Variants in TMEM266 observed in about 807,000 individuals in gnomAD.
The protein encoded by TMEM266 is Hv1 related protein 1.
In TMEM266, 33 loss-of-function variants were observed where a neutral mutation model predicts 50.5. That is an observed-to-expected ratio of 0.65 (90% CI 0.50 to 0.87). The LOEUF is 0.87. TMEM266 is among the 40% of genes least tolerant of loss of function. The pLI, the probability that TMEM266 is intolerant of heterozygous loss-of-function variation, is 0.00. For synonymous variants in TMEM266, 310 were observed against 292.3 expected, an observed-to-expected ratio of 1.06 and a Z score of -0.62; for missense variants, 655 against 695.1, an observed-to-expected ratio of 0.94 and a Z score of 0.65.
intron 2 of TMEM266, among the ~76,000 whole-genome samples, chr15:76,135,884 A>G (rs537028496): frequency 1.3e-5 from 2 of 152,248 alleles, no homozygotes; most frequent in African/African-American, 4.8e-5. Flanking sequence ...CGGATAATCC[A>G]AGCAAAAGAG....
chr15:76,168,305 A>G lies in TMEM266; in HGVS notation c.457-1511A>G, dbSNP rs1170377247. The stretch of plus-strand genomic sequence containing the variant: ...ACATGACTGTCCCCCACAAGCATTC[A>G]CCTTCCCATCCCTTCACAGAAATCA... On this transcript the variant is annotated intron_variant, in intron 5 of 10. Coordinates refer to ENST00000388942, the MANE Select transcript of TMEM266 (RefSeq NM_152335.3). The surrounding 1 kb of genome is among the most constrained non-coding windows in gnomAD (Gnocchi z 4.4). 2.0e-5 allele frequency among the ~76,000 whole-genome samples: 3 copies of G among 152,172 alleles called. 1 individual carries two copies. The South Asian group carries it at 6.2e-4, about 32-fold the overall frequency.
chr15:76,200,994 G>C (rs1220486498), intron 9 of TMEM266, among the ~76,000 whole-genome samples: 1 of 152,098 alleles, frequency 6.6e-6, no homozygotes, highest in Admixed American at 6.5e-5. Context: ...CCTGGGAGGG[G>C]CCCTCAGAAC....
chr15:76,202,053 T>A (rs1266637040), intron 9 of TMEM266, 149 bp from the exon 10 acceptor site: 1 of 632,264 alleles, frequency 1.6e-6, no homozygotes, highest in African/African-American at 1.8e-5. Context: ...GTGGTCCCCA[T>A]GGAGAACTAA....
At chr15:76,159,996 C>A in intron 4 of TMEM266, 99 bp from the exon 5 acceptor site, 4 of 1,161,110 alleles carry the variant, frequency 3.4e-6, no homozygotes, top group Non-Finnish European at 3.8e-6. Context: ...TGCAGGCGGG[C>A]CCCGGGGTCC....
intron 9 of TMEM266, 128 bp downstream of exon 9, chr15:76,192,285 G>T: frequency 2.4e-6 from 2 of 849,816 alleles, no homozygotes; most frequent in Non-Finnish European, 3.3e-6. Context: ...TCCTTCACTC[G>T]TGATTGGGGG....
At chr15:76,201,098 G>A (rs540806755) in intron 9 of TMEM266, among the ~76,000 whole-genome samples, 7 of 152,144 alleles carry the variant, frequency 4.6e-5, no homozygotes, top group Admixed American at 1.3e-4. Flanking sequence ...AGACTTCCAC[G>A]GGGGAGGGAG....
At chr15:76,169,688 C>T (rs566639245) in intron 5 of TMEM266, 128 bp from the exon 6 acceptor site, 2 of 1,056,446 alleles carry the variant, frequency 1.9e-6, no homozygotes, top group South Asian at 2.8e-5. Flanking sequence ...CCAAGGAATG[C>T]TTAGTGGATG....
intron 1 of TMEM266, among the ~76,000 whole-genome samples, chr15:76,103,102 G>A (rs1171035188): frequency 6.6e-6 from 1 of 152,128 alleles, no homozygotes; most frequent in Non-Finnish European, 1.5e-5. Flanking sequence ...CCGAGAGATA[G>A]TGGGGGTTTG....
At chr15:76,156,459 T>G in intron 3 of TMEM266, 145 bp from the exon 4 acceptor site, 1 of 757,162 alleles carries the variant, frequency 1.3e-6, no homozygotes, top group African/African-American at 1.8e-5. Context: ...TTGAATGAGG[T>G]TGTGTTTCGC....
intron 1 of TMEM266, among the ~76,000 whole-genome samples, chr15:76,086,311 G>T (rs1370106497): frequency 6.6e-6 from 1 of 152,188 alleles, no homozygotes; most frequent in Non-Finnish European, 1.5e-5. Flanking sequence ...AACAGTCTAA[G>T]AACAGGCAAT....
intron 9 of TMEM266, among the ~76,000 whole-genome samples, chr15:76,199,330 G>C (rs2038703604): frequency 6.6e-6 from 1 of 152,236 alleles, no homozygotes; most frequent in African/African-American, 2.4e-5. Context: ...CTGGGCTGAA[G>C]GACTCAACTA....
chr15:76,143,638 G>C (rs1034895648), intron 3 of TMEM266, among the ~76,000 whole-genome samples: 3 of 152,194 alleles, frequency 2.0e-5, no homozygotes, highest in Non-Finnish European at 4.4e-5. Context: ...TTACAGGCAT[G>C]AGCCACCGTG....
intron 8 of TMEM266, among the ~76,000 whole-genome samples, chr15:76,177,669 T>C (rs2038310322): frequency 6.6e-6 from 1 of 152,260 alleles, no homozygotes; most frequent in African/African-American, 2.4e-5. Flanking sequence ...TATGGAATCC[T>C]AGACTAGGAA....
At chr15:76,189,523 A>G (rs1403821411) in intron 8 of TMEM266, among the ~76,000 whole-genome samples, 1 of 152,194 alleles carries the variant, frequency 6.6e-6, no homozygotes, top group African/African-American at 2.4e-5. Flanking sequence ...TGTGTCACTA[A>G]AGTGCTCACA....
chr15:76,150,180 A>G (rs946405081), intron 3 of TMEM266, among the ~76,000 whole-genome samples: 2 of 152,144 alleles, frequency 1.3e-5, no homozygotes, highest in Non-Finnish European at 2.9e-5. Context: ...AGTTTTGTGC[A>G]TTTGGGGGGT....
intron 9 of TMEM266, among the ~76,000 whole-genome samples, chr15:76,199,773 C>CCTCCCTCT (rs999192890): frequency 6.6e-6 from 1 of 151,816 alleles, no homozygotes; most frequent in Non-Finnish European, 1.5e-5. Context: ...TCCCTCCCTC[C>CCTCCCTCT]CATTCTGGTC....
chr15:76,169,704 G>A (rs2038157736), intron 5 of TMEM266, 112 bp from the exon 6 acceptor site: 2 of 1,221,432 alleles, frequency 1.6e-6, no homozygotes, highest in African/African-American at 1.5e-5. Context: ...GGATGGCGGA[G>A]ACCTTTTCCT....
At chr15:76,184,533 A>G (rs1377976613) in intron 8 of TMEM266, among the ~76,000 whole-genome samples, 1 of 152,258 alleles carries the variant, frequency 6.6e-6, no homozygotes, top group Non-Finnish European at 1.5e-5. Flanking sequence ...TGCTATCCCA[A>G]CAGCAGATGG....
At chr15:76,156,435 C>T (rs2955732) in intron 3 of TMEM266, among the ~76,000 whole-genome samples, 169 bp from the exon 4 acceptor site, 82,119 of 151,934 alleles carry the variant, frequency 0.54, 22,589 homozygotes, top group African/African-American at 0.64. Context: ...CCCTTTATGA[C>T]GCTCCCCAGC....
Sources: gnomAD v4.1 joint callset for allele counts (sites outside exome capture counted in the v4.1 genomes callset) on GRCh38, gnomAD v4.1.1 for gene constraint, Gnocchi (gnomAD v3.1) non-coding constraint, MANE v1.5 for transcripts, NCBI Gene and HGNC (gene_info 2026-07-23, HGNC 2026-07-21) for gene names.